PCDHA7: variants seen among roughly 807,000 people sequenced by gnomAD.
PCDHA7 encodes the protein protocadherin alpha-7.
In PCDHA7, 37 loss-of-function variants were observed where a neutral mutation model predicts 57.2. The observed-to-expected ratio is 0.65, with a 90% CI of 0.50 to 0.85. The LOEUF (loss-of-function observed/expected upper bound fraction) is 0.85. PCDHA7 is among the 40% of genes least tolerant of loss of function. PCDHA7 has a pLI of 0.00. For missense variants in PCDHA7, 1,188 were observed against 1,241.8 expected (o/e 0.96, Z 0.65); for synonymous variants, 553 against 558.8 (o/e 0.99, Z 0.15).
intron 1 of PCDHA7, chr5:140,877,486 A>G: frequency 3.7e-6 from 6 of 1,613,722 alleles, no homozygotes; most frequent in Non-Finnish European, 5.1e-6. Flanking sequence ...GCTGGTGGAG[A>G]ACGGCCAGGC....
rs202125503 is a variant in PCDHA7 at position 140,834,460 on chromosome 5, C to A, written c.77C>A (p.Ala26Glu). 5.3e-5 allele frequency: 84 copies of A among 1,589,840 alleles called. No homozygotes were observed. Among genetic ancestry groups the A allele is most frequent in the Middle Eastern group, 1.7e-4 (1 of 5,902 alleles). Residue 26 changes from alanine (A) to glutamate (E), a missense_variant, in exon 1 of 4, where the codon GCA (alanine) becomes GAA (glutamate). Ala to Glu is a moderately radical substitution (Grantham distance 107). Around this residue, in one of 3 missense-constraint regions of PCDHA7, gnomAD observed 194 missense variants for 185.8 expected, o/e 1.04. Transcript: ENST00000525929. ...LFIIILAAWE[A>E]GRGQLHYSVP... ...ATTATAATTCTAGCAGCTTGGGAGG[C>A]AGGGAGAGGCCAGCTCCACTACTCG... is the stretch of plus-strand genomic sequence containing the variant.
At chr5:140,877,489 G>C (rs782165291) in intron 1 of PCDHA7, 3 of 1,613,844 alleles carry the variant, frequency 1.9e-6, no homozygotes, top group Non-Finnish European at 1.7e-6. Context: ...GGTGGAGAAC[G>C]GCCAGGCCCC....
At chr5:140,915,582 G>T (rs991142864) in intron 1 of PCDHA7, among the ~76,000 whole-genome samples, 1 of 151,936 alleles carries the variant, frequency 6.6e-6, no homozygotes, top group Non-Finnish European at 1.5e-5. Context: ...CCAGGCAAAA[G>T]CACTTGTTCT....
intron 3 of PCDHA7, among the ~76,000 whole-genome samples, chr5:141,008,922 G>A (rs34518527): frequency 0.052 from 7,924 of 152,178 alleles, 248 homozygotes; most frequent in South Asian, 0.11. Flanking sequence ...AATTTATTCA[G>A]CTAATTTTTC....
rs782071598 is a variant in PCDHA7 at position 140,883,785 on chromosome 5, G to C, written c.2355+47047G>C. On this transcript the variant is annotated intron_variant, in intron 1 of 3. Coordinates refer to ENST00000525929, the MANE Select transcript of PCDHA7 (RefSeq NM_018910.3). ...CGGGTGGGCGAGCGTGCGCTGTCGA[G>C]CTACGTGTCGGTGCACGCGGAGAGC... The C allele has an allele frequency of 1.3e-5, 21 of 1,612,402 alleles. No individual in the cohort carries two copies. In the East Asian group the frequency reaches 4.0e-4, roughly 31 times the overall value.
chr5:140,884,821 G>A, intron 1 of PCDHA7: 2 of 1,011,756 alleles, frequency 2.0e-6, no homozygotes, highest in South Asian at 2.2e-5. Flanking sequence ...TGGACATTAT[G>A]TGTTGGATTA....
chr5:140,883,511 C>T (rs782295526), intron 1 of PCDHA7: 22 of 1,614,068 alleles, frequency 1.4e-5, no homozygotes, highest in Non-Finnish European at 1.8e-5. Flanking sequence ...CGCCCTGGAC[C>T]GCGAGAGCGT....
rs782592420 is a variant in PCDHA7, at chr5:140,869,527, A to G, written c.2355+32789A>G. The G allele has an allele frequency of 1.2e-6, 2 of 1,614,186 alleles. No individual in the cohort carries two copies. Among genetic ancestry groups the G allele is most frequent in the African/African-American group, 2.7e-5 (2 of 75,038 alleles). On this transcript the variant is annotated intron_variant, in intron 1 of 3. Coordinates refer to ENST00000525929, the MANE Select transcript of PCDHA7 (RefSeq NM_018910.3). ...CTCGCTCAGAGAACAAAAGCTGCTG[A>G]TTGCGGAATCTAAGCAATCGGACTC...
intron 3 of PCDHA7, among the ~76,000 whole-genome samples, chr5:141,004,948 C>T (rs1356526927): frequency 6.6e-6 from 1 of 152,236 alleles, no homozygotes; most frequent in African/African-American, 2.4e-5. Context: ...TTCTTACCCT[C>T]TCTCGTCACT....
At position 140,837,471 on chromosome 5, in the gene PCDHA7, C is replaced by T. The variant is rs2150275751; in HGVS notation, c.2355+733C>T. Among the ~76,000 whole-genome samples, 442 of 151,506 alleles carry T rather than the reference C, an allele frequency of 2.9e-3. 6 individuals are homozygous for T. The highest frequency in any genetic ancestry group is 0.01 in the African/African-American group (420 of 41,194). On this transcript the variant is annotated intron_variant, in intron 1 of 3. Coordinates refer to ENST00000525929, the MANE Select transcript of PCDHA7 (RefSeq NM_018910.3). ...TAAAAAATCTCCTTGCCTCCTCAAA[C>T]CCCAAACCATTTACTTTACCTTTCT... is the stretch of plus-strand genomic sequence containing the variant.
At chr5:140,842,920 C>A (rs2150347865) in intron 1 of PCDHA7, 1 of 1,594,422 alleles carries the variant, frequency 6.3e-7, no homozygotes, top group Admixed American at 1.7e-5. Flanking sequence ...TGCTGCAGTT[C>A]CAGGTGAGCG....
rs782144486 is a variant in PCDHA7, at chr5:140,875,746, C to A, written c.2355+39008C>A. ...TTTGTTTGTGAATTCTCGGATCGAC[C>A]GCGAGAAGCTGTGCGGGCGGAGCGC... is the stretch of plus-strand genomic sequence containing the variant. On this transcript the variant is annotated intron_variant, in intron 1 of 3. Coordinates refer to ENST00000525929, the MANE Select transcript of PCDHA7 (RefSeq NM_018910.3). 7.4e-6 allele frequency: 12 copies of A among 1,614,096 alleles called. No homozygotes were observed. In the East Asian group the frequency reaches 2.0e-4, roughly 27 times the overall value.
intron 1 of PCDHA7, chr5:140,883,869 A>G: frequency 6.2e-7 from 1 of 1,613,112 alleles, no homozygotes; most frequent in South Asian, 1.1e-5. Context: ...TTGCAGTTCC[A>G]GGTGAGCGCG....
intron 1 of PCDHA7, chr5:140,848,167 C>A (rs1554142004): frequency 3.9e-6 from 1 of 254,352 alleles, no homozygotes; most frequent in African/African-American, 2.2e-5. Context: ...TAAGAAGGCT[C>A]CAGCAAGAGA....
intron 1 of PCDHA7, chr5:140,877,161 G>A: frequency 6.2e-7 from 1 of 1,613,828 alleles, no homozygotes; most frequent in South Asian, 1.1e-5. Context: ...ACAACGCGCC[G>A]GCACTGCTGG....
chr5:140,989,788 G>A (rs2097360346), intron 3 of PCDHA7, among the ~76,000 whole-genome samples: 2 of 152,158 alleles, frequency 1.3e-5, no homozygotes, highest in Admixed American at 1.3e-4. Context: ...GAGACTAGAG[G>A]CCCCCAGGAA....
In PCDHA7 at chr5:140,844,977, T is replaced by C. The variant is rs1326529919; in HGVS notation, c.2355+8239T>C. On this transcript the variant is annotated intron_variant, in intron 1 of 3. Transcript: ENST00000525929. ...TTCTTACAGTTTGTTATTAGTATTGTTTTAAATCTTTTAATCACTTATGAA... is the reference window on the plus strand; with the variant it reads ...TTCTTACAGTTTGTTATTAGTATTGCTTTAAATCTTTTAATCACTTATGAA... 1.3e-5 allele frequency among the ~76,000 whole-genome samples: 2 copies of C among 149,260 alleles called. 1 individual carries two copies. Among genetic ancestry groups the C allele is most frequent in the Non-Finnish European group, 3.0e-5 (2 of 66,708 alleles).
At chr5:140,927,153 C>T in intron 1 of PCDHA7, 1 of 1,614,190 alleles carries the variant, frequency 6.2e-7, no homozygotes, top group Non-Finnish European at 8.5e-7. Context: ...AACAGCTGTG[C>T]AGGGCCAAAG....
intron 1 of PCDHA7, among the ~76,000 whole-genome samples, chr5:140,890,874 C>T (rs1337922727): frequency 6.6e-6 from 1 of 152,082 alleles, no homozygotes; most frequent in Admixed American, 6.6e-5. Flanking sequence ...CCCCTCTGAC[C>T]TTTCATCAGG....
Sources: allele counts gnomAD v4.1 joint callset (sites outside exome capture counted in the v4.1 genomes callset), GRCh38; gene constraint gnomAD v4.1.1; regional missense constraint gnomAD v4.1.1; transcripts MANE v1.5; gene names NCBI Gene and HGNC (gene_info 2026-07-23, HGNC 2026-07-21).